The following UBTD2 variants were observed in gnomAD, a reference collection of about 807,000 sequenced individuals.
UBTD2 encodes the protein ubiquitin domain-containing protein 2.
Under a neutral mutation model 19.8 loss-of-function variants are expected in UBTD2, and 9 were observed. The observed-to-expected ratio is 0.46, with a 90% CI of 0.27 to 0.79. The LOEUF (loss-of-function observed/expected upper bound fraction) is 0.79. UBTD2 is among the 30% of genes least tolerant of loss of function. UBTD2 has a pLI of 0.14. For missense variants in UBTD2, 250 were observed against 300.4 expected (o/e 0.83, Z 1.24); for synonymous variants, 98 against 103.9 (o/e 0.94, Z 0.35).
intron 1 of UBTD2, chr5:172,252,514 C>T (rs1755044570): frequency 6.6e-6 from 1 of 152,186 alleles, no homozygotes; most frequent in African/African-American, 2.4e-5. Context: ...CAAAATAATT[C>T]CTAGGCAGCA....
At chr5:172,216,398 C>T (rs1459336196) in intron 2 of UBTD2, among the ~76,000 whole-genome samples, 3 of 151,074 alleles carry the variant, frequency 2.0e-5, no homozygotes, top group Non-Finnish European at 2.9e-5. Flanking sequence ...AGAAAAACTA[C>T]ACACATCTAA....
intron 1 of UBTD2, among the ~76,000 whole-genome samples, chr5:172,248,686 T>C (rs572335107): frequency 2.0e-5 from 3 of 150,364 alleles, no homozygotes; most frequent in Non-Finnish European, 1.5e-5. Flanking sequence ...CACTTAAACC[T>C]GGGAGGTAGA....
intron 1 of UBTD2, among the ~76,000 whole-genome samples, chr5:172,278,180 G>C (rs1755644654): frequency 6.6e-6 from 1 of 152,042 alleles, no homozygotes; most frequent in Admixed American, 6.6e-5. Context: ...GAAAGAACTG[G>C]AAACAGAGAT....
rs77162022 is a variant in UBTD2 at position 172,248,133 on chromosome 5, A to G, written c.71-13775T>C. ...TGAGATGAATAGAAGTGAACACAAAACATACAAAAACTTATGAGATGCAGT... is the reference window on the plus strand; with the variant it reads ...TGAGATGAATAGAAGTGAACACAAAGCATACAAAAACTTATGAGATGCAGT... On this transcript the variant is annotated intron_variant, in intron 1 of 2. Coordinates refer to ENST00000393792, the MANE Select transcript of UBTD2 (RefSeq NM_152277.3). 4.3e-3 allele frequency among the ~76,000 whole-genome samples: 651 copies of G among 152,340 alleles called. 2 individuals carry two copies. The highest frequency in any genetic ancestry group is 0.015 in the African/African-American group (626 of 41,592).
intron 2 of UBTD2, among the ~76,000 whole-genome samples, chr5:172,216,495 A>G (rs1293406997): frequency 2.0e-5 from 3 of 149,462 alleles, no homozygotes; most frequent in East Asian, 2.0e-4. Flanking sequence ...ATTCATGCCT[A>G]TAACTCCAGC....
At chr5:172,275,727 CCTAT>C (rs540868465) in intron 1 of UBTD2, among the ~76,000 whole-genome samples, 5 of 152,268 alleles carry the variant, frequency 3.3e-5, no homozygotes, top group Admixed American at 2.6e-4. Context: ...CTAGGAGTTC[CCTAT>C]CTAAATTTCC....
intron 1 of UBTD2, among the ~76,000 whole-genome samples, chr5:172,244,649 T>C (rs1484484341): frequency 1.3e-5 from 2 of 151,998 alleles, no homozygotes; most frequent in Admixed American, 6.6e-5. Flanking sequence ...CAGGTCAAGA[T>C]GTTATAAGCC....
intron 1 of UBTD2, among the ~76,000 whole-genome samples, chr5:172,257,951 T>C (rs576035805): frequency 6.6e-6 from 1 of 152,308 alleles, no homozygotes; most frequent in South Asian, 2.1e-4. Context: ...TCCCATTGTG[T>C]AGGTTGTCTG....
At chr5:172,223,506 G>A (rs1165531336) in intron 2 of UBTD2, among the ~76,000 whole-genome samples, 3 of 147,678 alleles carry the variant, frequency 2.0e-5, no homozygotes, top group African/African-American at 5.0e-5. Context: ...GGCTGATGGA[G>A]GAGAATTGCT....
chr5:172,262,020 C>T (rs1173740969), intron 1 of UBTD2, among the ~76,000 whole-genome samples: 2 of 152,188 alleles, frequency 1.3e-5, no homozygotes, highest in South Asian at 2.1e-4. Flanking sequence ...GAAGACAAAG[C>T]TTACAGTTTT....
At chr5:172,238,534 C>A (rs1250547899) in intron 1 of UBTD2, among the ~76,000 whole-genome samples, 1 of 152,182 alleles carries the variant, frequency 6.6e-6, no homozygotes, top group East Asian at 1.9e-4. Flanking sequence ...ATCATATTCA[C>A]CCACTCTTTA....
rs1183249761 is a variant in UBTD2 at position 172,210,574 on chromosome 5, C to T, written c.*1256G>A. The stretch of plus-strand genomic sequence containing the variant: ...TTTTTCAGTCCCCTAATCTAACTTG[C>T]AAAAGGCTCTTAATTTGCTTCTTTG... On this transcript the variant is annotated 3_prime_UTR_variant, in exon 3 of 3. Coordinates refer to ENST00000393792, the MANE Select transcript of UBTD2 (RefSeq NM_152277.3). 1 of 152,140 alleles carries T rather than the reference C, an allele frequency of 6.6e-6. No individual in the cohort carries two copies. The highest frequency in any genetic ancestry group is 1.5e-5 in the Non-Finnish European group (1 of 68,018). 9.4% of individuals were successfully genotyped at this position (152,140 alleles called of 1,614,324 possible).
chr5:172,282,752 A>T (rs2113151817), intron 1 of UBTD2, among the ~76,000 whole-genome samples: 1 of 152,176 alleles, frequency 6.6e-6, no homozygotes, highest in East Asian at 1.9e-4. Flanking sequence ...CCATACTACA[A>T]CTACTACTGA....
At chr5:172,263,386 T>C (rs1755311404) in intron 1 of UBTD2, among the ~76,000 whole-genome samples, 1 of 152,306 alleles carries the variant, frequency 6.6e-6, no homozygotes, top group African/African-American at 2.4e-5. Context: ...AATAGGACAG[T>C]AGTTGTGAAA....
intron 1 of UBTD2, among the ~76,000 whole-genome samples, chr5:172,266,807 C>T (rs1755388488): frequency 6.6e-6 from 1 of 152,094 alleles, no homozygotes; most frequent in African/African-American, 2.4e-5. Flanking sequence ...GAGGCCCAGG[C>T]AGGGCAGATC....
intron 1 of UBTD2, among the ~76,000 whole-genome samples, chr5:172,236,836 G>C (rs964393809): frequency 4.6e-5 from 7 of 152,118 alleles, no homozygotes; most frequent in Non-Finnish European, 7.4e-5. Context: ...CTCTACAGAA[G>C]AATCTCAGGA....
At chr5:172,218,817 T>TAAAAAAA (rs1554127124) in intron 2 of UBTD2, among the ~76,000 whole-genome samples, 11 of 89,644 alleles carry the variant, frequency 1.2e-4, no homozygotes, top group Admixed American at 1.2e-4. Flanking sequence ...AAATAAAAAA[T>TAAAAAAA]AAAAATAAAA....
chr5:172,250,012 C>T (rs1035017501), intron 1 of UBTD2, among the ~76,000 whole-genome samples: 16 of 152,178 alleles, frequency 1.1e-4, no homozygotes, highest in African/African-American at 3.6e-4. Flanking sequence ...CATCTGAGGT[C>T]AGGAGTTCGA....
At chr5:172,224,008 T>C (rs996344482) in intron 2 of UBTD2, among the ~76,000 whole-genome samples, 2 of 152,144 alleles carry the variant, frequency 1.3e-5, no homozygotes, top group Non-Finnish European at 2.9e-5. Context: ...AAATGGAAGA[T>C]GAGCCCAAGT....
Sources: allele counts gnomAD v4.1 joint callset (sites outside exome capture counted in the v4.1 genomes callset), GRCh38; gene constraint gnomAD v4.1.1; transcripts MANE v1.5; gene names NCBI Gene and HGNC (gene_info 2026-07-23, HGNC 2026-07-21).